Variants in SPECC1 observed in about 807,000 individuals in gnomAD.
SPECC1 encodes the protein sperm antigen with calponin homology and coiled-coil domains 1, also known as cytospin-B.
A neutral mutation model predicts 104.1 loss-of-function variants in SPECC1; 62 were observed. The observed-to-expected ratio is 0.60, with a 90% CI of 0.49 to 0.74. The LOEUF (loss-of-function observed/expected upper bound fraction) is 0.74. Among genes scored for constraint, SPECC1 ranks in the 30% least tolerant of loss-of-function variants. The pLI is 0.00. For synonymous variants in SPECC1, 513 were observed against 501.6 expected, an observed-to-expected ratio of 1.02 and a Z score of -0.30; for missense variants, 1,306 against 1,310.5, an observed-to-expected ratio of 1.00 and a Z score of 0.05.
intron 3 of SPECC1, among the ~76,000 whole-genome samples, chr17:20,122,530 C>T (rs895857779): frequency 7.9e-5 from 12 of 152,174 alleles, no homozygotes; most frequent in Admixed American, 2.6e-4. Flanking sequence ...TACAGTTCAG[C>T]GGCATTAAGT....
intron 9 of SPECC1, 96 bp from the exon 10 acceptor site, chr17:20,253,409 C>G: frequency 8.4e-7 from 1 of 1,183,462 alleles, no homozygotes; most frequent in Non-Finnish European, 1.2e-6. Context: ...TGTTTAAGAA[C>G]TGTTGCACAC....
chr17:20,174,248 CCT>C (rs895405979), intron 3 of SPECC1, among the ~76,000 whole-genome samples: 4 of 151,544 alleles, frequency 2.6e-5, no homozygotes, highest in East Asian at 1.9e-4. Flanking sequence ...AGTTTTGACC[CCT>C]GTTTAAAAAA....
chr17:20,206,480 C>T (rs2036788091), intron 4 of SPECC1, among the ~76,000 whole-genome samples: 1 of 152,138 alleles, frequency 6.6e-6, no homozygotes, highest in Admixed American at 6.5e-5. Flanking sequence ...ATGTTATTAA[C>T]TTTTTTTGCA....
chr17:20,164,384 C>T (rs1011888363), intron 3 of SPECC1, among the ~76,000 whole-genome samples: 8 of 151,922 alleles, frequency 5.3e-5, no homozygotes, highest in African/African-American at 1.9e-4. Flanking sequence ...CCAGGCTAGT[C>T]TCCAGCTCCT....
chr17:20,090,431 G>A (rs73981806), intron 1 of SPECC1, among the ~76,000 whole-genome samples: 2,171 of 152,116 alleles, frequency 0.014, 43 homozygotes, highest in African/African-American at 0.049. Flanking sequence ...CCCAGCTGGC[G>A]TCCCAGGCAG....
chr17:20,187,988 A>G (rs2035392843), intron 3 of SPECC1, among the ~76,000 whole-genome samples: 1 of 152,206 alleles, frequency 6.6e-6, no homozygotes, highest in Non-Finnish European at 1.5e-5. Context: ...GGTGTGTGCC[A>G]TGTTAATGAA....
chr17:20,299,153 T>A (rs1051385453), intron 13 of SPECC1, among the ~76,000 whole-genome samples: 1 of 151,966 alleles, frequency 6.6e-6, no homozygotes, highest in Admixed American at 6.6e-5. Flanking sequence ...TGGAATTCCC[T>A]CTTCTTCAGT....
At chr17:20,248,714 G>C (rs537611268) in intron 9 of SPECC1, among the ~76,000 whole-genome samples, 5 of 152,118 alleles carry the variant, frequency 3.3e-5, no homozygotes, top group Non-Finnish European at 2.9e-5. Flanking sequence ...TGAAGTGTTA[G>C]TCTGTTTATG....
At chr17:20,114,220 T>G (rs962364847) in intron 3 of SPECC1, among the ~76,000 whole-genome samples, 3 of 152,174 alleles carry the variant, frequency 2.0e-5, no homozygotes, top group Non-Finnish European at 4.4e-5. Context: ...TGAGACAGAG[T>G]ATCAGTCTGT....
In SPECC1 at chr17:20,096,657, G is replaced by A; in HGVS notation, c.6G>A (p.Arg2=). 6.2e-7 allele frequency: 1 copy of A among 1,612,318 alleles called. No homozygotes were observed. Among genetic ancestry groups the A allele is most frequent in the Non-Finnish European group, 8.5e-7 (1 of 1,178,782 alleles). The change falls in exon 2 of 15, where the codon CGG becomes CGA. Residue 2 remains arginine (R), a synonymous_variant. Transcript: ENST00000395527. The part of the protein sequence containing the change: M[R]SAAKPWNPAI... ...ACAGACCCACGAAGTCAAGCATGCG[G>A]AGTGCAGCCAAGCCCTGGAACCCAG...
rs575207134 is a variant in SPECC1 at position 20,065,088 on chromosome 17, T to TC, written c.-21-31542dup. Among the ~76,000 whole-genome samples, 863 of 152,354 alleles carry TC rather than the reference T, an allele frequency of 5.7e-3. 4 individuals are homozygous for TC. Among genetic ancestry groups the TC allele is most frequent in the Middle Eastern group, 0.024 (7 of 294 alleles). ...TTAACAATTTGTATATTAATCATGA[T>TC]CTAACCCACCTGTTTTGGAAGAACC... is the stretch of plus-strand genomic sequence containing the variant. On this transcript the variant is annotated intron_variant, in intron 1 of 14. Transcript: ENST00000395527.
At chr17:20,208,624 T>TC (rs1209307220) in intron 4 of SPECC1, among the ~76,000 whole-genome samples, 1 of 152,238 alleles carries the variant, frequency 6.6e-6, no homozygotes, top group Non-Finnish European at 1.5e-5. Flanking sequence ...TGATGTGACC[T>TC]TGGGCAGGCC....
intron 3 of SPECC1, among the ~76,000 whole-genome samples, chr17:20,168,664 C>T (rs1380128418): frequency 6.6e-6 from 1 of 152,066 alleles, no homozygotes; most frequent in African/African-American, 2.4e-5. Flanking sequence ...CTAGAATTCT[C>T]TTGTTAGAAT....
intron 7 of SPECC1, among the ~76,000 whole-genome samples, chr17:20,243,124 T>C (rs2039275864): frequency 6.6e-6 from 1 of 152,218 alleles, no homozygotes; most frequent in African/African-American, 2.4e-5. Context: ...CATGTACTTT[T>C]GAGTGACTCA....
intron 3 of SPECC1, among the ~76,000 whole-genome samples, chr17:20,141,953 C>T (rs891596479): frequency 2.0e-5 from 3 of 152,138 alleles, no homozygotes; most frequent in Admixed American, 6.5e-5. Context: ...CTCTGTTCAC[C>T]GAGTTGGCCT....
intron 13 of SPECC1, 82 bp downstream of exon 13, chr17:20,297,159 T>G: frequency 2.5e-6 from 3 of 1,209,480 alleles, no homozygotes; most frequent in Non-Finnish European, 3.6e-6. Flanking sequence ...GGGAGGGGGC[T>G]TACAGGCCTG....
chr17:20,196,141 T>G (rs1202730024), intron 3 of SPECC1, among the ~76,000 whole-genome samples: 1 of 152,226 alleles, frequency 6.6e-6, no homozygotes, highest in Non-Finnish European at 1.5e-5. Flanking sequence ...CTTTAACCCT[T>G]TAGGCAAAAA....
At chr17:20,023,239 G>C (rs904480331) in intron 1 of SPECC1, among the ~76,000 whole-genome samples, 2 of 152,168 alleles carry the variant, frequency 1.3e-5, no homozygotes, top group African/African-American at 4.8e-5. Flanking sequence ...ATTTGGTCTG[G>C]ATTTGGGCTG....
chr17:20,072,144 T>A (rs1219726703), intron 1 of SPECC1, among the ~76,000 whole-genome samples: 2 of 152,218 alleles, frequency 1.3e-5, no homozygotes, highest in African/African-American at 4.8e-5. Context: ...GCAGTGCTGC[T>A]GGGCAAGGCC....
Sources: allele counts gnomAD v4.1 joint callset (sites outside exome capture counted in the v4.1 genomes callset), GRCh38; gene constraint gnomAD v4.1.1; transcripts MANE v1.5; gene names NCBI Gene and HGNC (gene_info 2026-07-23, HGNC 2026-07-21).